Variants in DLGAP5 observed in about 807,000 individuals in gnomAD.
DLGAP5 encodes DLG associated protein 5.
Under a neutral mutation model 99.6 loss-of-function variants are expected in DLGAP5, and 90 were observed. The observed-to-expected ratio is 0.90, with a 90% CI of 0.76 to 1.08. The LOEUF (loss-of-function observed/expected upper bound fraction) is 1.08. Ranked by LOEUF, DLGAP5 falls within the 50% of genes least tolerant of loss-of-function variation. The probability of loss-of-function intolerance (pLI) is 0.00; values close to 1 mark genes in which losing one functional copy is unlikely to be tolerated. For synonymous variants in DLGAP5, 311 were observed against 321.3 expected (o/e 0.97, Z 0.34); for missense variants, 1,036 against 983.5 (o/e 1.05, Z -0.71).
chr14:55,154,291 T>C (rs13379284), intron 15 of DLGAP5, among the ~76,000 whole-genome samples: 3,922 of 152,290 alleles, frequency 0.026, 163 homozygotes, highest in African/African-American at 0.09. Context: ...TGCCCCAAAG[T>C]TGCATAGCTA....
chr14:55,175,582 TTA>T (rs1883032932), intron 9 of DLGAP5, 110 bp from the exon 10 acceptor site: 1 of 762,922 alleles, frequency 1.3e-6, no homozygotes, highest in Non-Finnish European at 2.1e-6. Flanking sequence ...TTTTAAAATT[TTA>T]TTTCTGCCTC....
At chr14:55,186,813 T>G (rs371272341) in intron 2 of DLGAP5, among the ~76,000 whole-genome samples, 2 of 152,252 alleles carry the variant, frequency 1.3e-5, no homozygotes, top group Admixed American at 1.3e-4. Context: ...AATCAGTCTC[T>G]CCTCGATATG....
rs1883028650 is a variant in DLGAP5, at chr14:55,175,467, C to G, written c.1180G>C (p.Val394Leu). 4 of 1,287,176 alleles carry G rather than the reference C, an allele frequency of 3.1e-6. No individual in the cohort carries two copies. The highest frequency in any genetic ancestry group is 4.4e-6 in the Non-Finnish European group (4 of 907,962). The allele number at this position is 1,287,176 out of a possible 1,614,324, so 79.7% of individuals were successfully genotyped here. A position where few individuals can be genotyped will look rare whatever the true frequency, so the allele number is the denominator to read the frequency against. Residue 394 changes from valine (V) to leucine (L), a missense_variant, in exon 10 of 19, where the codon GTT (valine) becomes CTT (leucine). By Grantham distance (32) the Val-to-Leu change is conservative. Coordinates refer to ENST00000247191, the MANE Select transcript of DLGAP5 (RefSeq NM_014750.5). Reference sequence around the variant, plus strand: ...GTAGTAGCTTCATTTTTATTTAAAACATGTTCTATAAATTAAAGAAAATCT... The same window carrying G: ...GTAGTAGCTTCATTTTTATTTAAAAGATGTTCTATAAATTAAAGAAAATCT... ...GPLTVWHEEH[V>L]LNKNEATTKN...
At chr14:55,165,164 C>G (rs1236888827) in intron 12 of DLGAP5, among the ~76,000 whole-genome samples, 1 of 152,022 alleles carries the variant, frequency 6.6e-6, no homozygotes, top group African/African-American at 2.4e-5. Context: ...GTAAAAGATA[C>G]ATGAATGGCG....
In DLGAP5 at chr14:55,177,326, C is replaced by G. The variant is rs757970264; in HGVS notation, c.785G>C (p.Cys262Ser). 10 of 1,596,402 alleles carry G rather than the reference C, an allele frequency of 6.3e-6. No homozygotes were observed. In the South Asian group the frequency reaches 1.0e-4, roughly 16 times the overall value. ...AGTATTTTCTTCACTATCGACTTTA[C>G]AAGAAATACCCTAGGATGTGAGTTA... ...VETKPDKGIS[C>S]KVDSEENTLN... The change falls in exon 8 of 19, where the codon TGT becomes TCT. Residue 262 changes from cysteine (C) to serine (S), a missense_variant. Physicochemically the swap from Cys to Ser is moderately radical, Grantham distance 112. Coordinates refer to ENST00000247191, the MANE Select transcript of DLGAP5 (RefSeq NM_014750.5).
intron 8 of DLGAP5, 28 bp downstream of exon 8, chr14:55,177,034 A>G (rs8009244): frequency 0.13 from 160,331 of 1,202,000 alleles, 27,104 homozygotes; most frequent in African/African-American, 0.78. Flanking sequence ...TCTTAGCAAG[A>G]GACTTATTAT....
chr14:55,176,564 T>C (rs1883067467), intron 8 of DLGAP5, among the ~76,000 whole-genome samples: 1 of 152,066 alleles, frequency 6.6e-6, no homozygotes, highest in South Asian at 2.1e-4. Context: ...ATAGGAAATA[T>C]AAAAACTGTC....
chr14:55,167,986 A>G (rs987061296), intron 12 of DLGAP5, among the ~76,000 whole-genome samples: 1 of 151,788 alleles, frequency 6.6e-6, no homozygotes, highest in African/African-American at 2.4e-5. Flanking sequence ...CTTGCTCCCC[A>G]ATTTTTTTTT....
chr14:55,188,322 C>G (rs536961246), intron 2 of DLGAP5, among the ~76,000 whole-genome samples: 4 of 152,174 alleles, frequency 2.6e-5, no homozygotes, highest in Admixed American at 2.6e-4. Context: ...GAGATTATTC[C>G]TTTCTTCTTT....
At position 55,175,874 on chromosome 14, in the gene DLGAP5, AAATT is replaced by A; in HGVS notation, c.1174+16_1174+19del. On this transcript the variant is annotated intron_variant, in intron 9 of 18. Transcript: ENST00000247191. The stretch of plus-strand genomic sequence containing the variant: ...ATTAACATTATTCTAAAAAATGAAT[AAATT>A]AATTAAATACTATACCTTCATGCCA... 3 of 1,528,768 alleles carry A rather than the reference AAATT, an allele frequency of 2.0e-6. No individual in the cohort carries two copies. The highest frequency in any genetic ancestry group is 1.4e-5 in the African/African-American group (1 of 71,780). 94.7% of individuals were successfully genotyped at this position (1,528,768 alleles called of 1,614,324 possible).
At chr14:55,164,174 A>G (rs1882551073) in intron 12 of DLGAP5, among the ~76,000 whole-genome samples, 1 of 152,136 alleles carries the variant, frequency 6.6e-6, no homozygotes, top group African/African-American at 2.4e-5. Context: ...CTCTCCCTCA[A>G]AAATATGTAA....
chr14:55,163,260 G>A (rs556262955), intron 12 of DLGAP5, among the ~76,000 whole-genome samples, 185 bp from the exon 13 acceptor site: 12 of 152,004 alleles, frequency 7.9e-5, no homozygotes, highest in African/African-American at 1.9e-4. Context: ...ATTATCTTTC[G>A]TCTTACAAAC....
intron 10 of DLGAP5, among the ~76,000 whole-genome samples, chr14:55,172,296 T>C (rs954136590): frequency 1.4e-5 from 2 of 143,182 alleles, no homozygotes; most frequent in Non-Finnish European, 3.0e-5. Context: ...CAGACCAGCC[T>C]GGGAAACATG....
intron 4 of DLGAP5, 131 bp downstream of exon 4, chr14:55,182,239 T>G (rs573747348): frequency 4.5e-4 from 308 of 684,942 alleles, no homozygotes; most frequent in Non-Finnish European, 5.2e-4. Context: ...CTAAAAACAG[T>G]GACTTTGGTA....
rs375269221 is a variant in DLGAP5, at chr14:55,159,053, C to T, written c.1654-312G>A. Reference sequence around the variant, plus strand: ...GATTATAACCATGACACCCCCCCCCCATAAAAAAGAAAAAGCAAAAAAAGT... The same window carrying T: ...GATTATAACCATGACACCCCCCCCCTATAAAAAAGAAAAAGCAAAAAAAGT... On this transcript the variant is annotated intron_variant, in intron 13 of 18. Transcript: ENST00000247191. 3.0e-4 allele frequency among the ~76,000 whole-genome samples: 43 copies of T among 144,504 alleles called. 2 individuals carry two copies. The highest frequency in any genetic ancestry group is 1.1e-3 in the African/African-American group (42 of 37,914). The allele number at this position is 144,504 out of a possible 152,430, so 94.8% of individuals were successfully genotyped here.
At chr14:55,174,484 T>C in intron 10 of DLGAP5, among the ~76,000 whole-genome samples, 1 of 152,168 alleles carries the variant, frequency 6.6e-6, no homozygotes, top group African/African-American at 2.4e-5. Context: ...CCCTCCCCTT[T>C]TGAAAATCCC....
intron 5 of DLGAP5, 52 bp downstream of exon 5, chr14:55,181,161 A>T (rs1206705095): frequency 2.0e-6 from 3 of 1,533,722 alleles, no homozygotes; most frequent in Non-Finnish European, 2.7e-6. Flanking sequence ...CTTAAAAAAA[A>T]TTATGGCTGT....
chr14:55,158,257 C>T (rs1882280190), intron 14 of DLGAP5, among the ~76,000 whole-genome samples: 1 of 152,180 alleles, frequency 6.6e-6, no homozygotes, highest in African/African-American at 2.4e-5. Context: ...ATGGTAATTA[C>T]ATTACAGATG....
intron 13 of DLGAP5, among the ~76,000 whole-genome samples, 154 bp downstream of exon 13, chr14:55,162,817 G>C (rs895554202): frequency 4.6e-5 from 7 of 151,598 alleles, no homozygotes; most frequent in African/African-American, 1.7e-4. Flanking sequence ...GTAGTATAAA[G>C]ACTTAACTTT....
Sources: gnomAD v4.1 joint callset for allele counts (sites outside exome capture counted in the v4.1 genomes callset) on GRCh38, gnomAD v4.1.1 for gene constraint, MANE v1.5 for transcripts, NCBI Gene and HGNC (gene_info 2026-07-23, HGNC 2026-07-21) for gene names.